The following DAB1 variants were observed in gnomAD, a reference collection of about 807,000 sequenced individuals.
The protein encoded by DAB1 is DAB adaptor protein 1.
Under a neutral mutation model 64.6 loss-of-function variants are expected in DAB1, and 15 were observed. The observed-to-expected ratio is 0.23, with a 90% CI of 0.16 to 0.36. The LOEUF is 0.36. Ranked by LOEUF, DAB1 falls within the 10% of genes least tolerant of loss-of-function variation. The probability of loss-of-function intolerance (pLI) is 1.00; values close to 1 mark genes in which losing one functional copy is unlikely to be tolerated. For synonymous variants in DAB1, 235 were observed against 251.9 expected (o/e 0.93, Z 0.64); for missense variants, 596 against 706.7 (o/e 0.84, Z 1.78).
intron 2 of DAB1, among the ~76,000 whole-genome samples, chr1:57,231,103 G>T (rs1240248183): frequency 6.6e-6 from 1 of 152,124 alleles, no homozygotes; most frequent in East Asian, 1.9e-4. Context: ...ATTTTCAATA[G>T]ATCATCAACC....
intron 1 of DAB1, among the ~76,000 whole-genome samples, chr1:57,376,743 G>A (rs1680928252): frequency 6.6e-6 from 1 of 152,154 alleles, no homozygotes; most frequent in African/African-American, 2.4e-5. Flanking sequence ...TGGATAAAGA[G>A]ACAGAAAACT....
chr1:58,194,424 A>G (rs1227134067), intron 4 of DAB1, among the ~76,000 whole-genome samples: 4 of 152,236 alleles, frequency 2.6e-5, no homozygotes, highest in Non-Finnish European at 5.9e-5. Flanking sequence ...ATTCTCATAA[A>G]AACAAGTTAA....
intron 4 of DAB1, among the ~76,000 whole-genome samples, chr1:58,229,724 G>A (rs1427758590): frequency 6.6e-6 from 1 of 152,182 alleles, no homozygotes; most frequent in Non-Finnish European, 1.5e-5. Context: ...CTAAGCACAG[G>A]CCTGGCCTCC....
At chr1:57,272,095 T>C (rs1219160549) in intron 2 of DAB1, among the ~76,000 whole-genome samples, 1 of 152,140 alleles carries the variant, frequency 6.6e-6, no homozygotes, top group East Asian at 1.9e-4. Flanking sequence ...TGAAGGGAGA[T>C]GTTGGCGTTT....
At chr1:57,710,756 T>TA (rs1250076492) in intron 6 of DAB1, among the ~76,000 whole-genome samples, 1 of 152,174 alleles carries the variant, frequency 6.6e-6, no homozygotes, top group Non-Finnish European at 1.5e-5. Flanking sequence ...TTTTAGTGTG[T>TA]GTGTGTGGAA....
chr1:57,493,097 C>T (rs1644184702), intron 7 of DAB1, among the ~76,000 whole-genome samples: 1 of 150,822 alleles, frequency 6.6e-6, no homozygotes, highest in Non-Finnish European at 1.5e-5. Flanking sequence ...AGATGGTGCT[C>T]ACTGAAGGGC....
intron 5 of DAB1, among the ~76,000 whole-genome samples, chr1:58,050,769 T>C (rs950253411): frequency 8.5e-5 from 13 of 152,234 alleles, no homozygotes; most frequent in African/African-American, 3.1e-4. Context: ...AATCTCGTGA[T>C]CCGCCCGCCT....
chr1:57,403,382 G>A (rs1683396735), intron 1 of DAB1, among the ~76,000 whole-genome samples: 2 of 152,186 alleles, frequency 1.3e-5, no homozygotes, highest in South Asian at 4.1e-4. Context: ...CAAAGCTGTG[G>A]TGTGGAAACA....
At chr1:58,363,816 C>T (rs986331105) in intron 3 of DAB1, among the ~76,000 whole-genome samples, 2 of 152,166 alleles carry the variant, frequency 1.3e-5, no homozygotes, top group Non-Finnish European at 2.9e-5. Context: ...TTCCTCTTGC[C>T]CTTTTATTCT....
chr1:57,604,092 T>A (rs1328060387), intron 7 of DAB1, among the ~76,000 whole-genome samples: 1 of 152,136 alleles, frequency 6.6e-6, no homozygotes, highest in Non-Finnish European at 1.5e-5. Context: ...GTCACCTCAA[T>A]GGGTATGACT....
chr1:57,685,521 G>T (rs1045197586), intron 6 of DAB1, among the ~76,000 whole-genome samples: 1 of 152,082 alleles, frequency 6.6e-6, no homozygotes, highest in Non-Finnish European at 1.5e-5. Flanking sequence ...AACTAGCGAA[G>T]AAATTCTGGA....
intron 2 of DAB1, among the ~76,000 whole-genome samples, chr1:57,235,604 G>T (rs1481826289): frequency 6.6e-6 from 1 of 151,702 alleles, no homozygotes; most frequent in Non-Finnish European, 1.5e-5. Flanking sequence ...ATAACTTAAG[G>T]TTCAAGTAAC....
intron 3 of DAB1, among the ~76,000 whole-genome samples, chr1:58,374,098 G>T: frequency 1.6e-5 from 1 of 62,118 alleles, no homozygotes; most frequent in Non-Finnish European, 3.5e-5. Flanking sequence ...CAGATGAGTA[G>T]GTTGCAAAAA....
intron 6 of DAB1, among the ~76,000 whole-genome samples, chr1:57,750,310 T>A (rs1388831756): frequency 6.6e-6 from 1 of 152,218 alleles, no homozygotes; most frequent in East Asian, 1.9e-4. Flanking sequence ...CCATTCAGTA[T>A]GTGTTCTCTC....
chr1:57,351,357 G>T lies in DAB1; in HGVS notation c.-136-60191C>A, dbSNP rs547861217. On this transcript the variant is annotated intron_variant, in intron 1 of 14. Transcript: ENST00000371236. ...CAAAAAGAACGGAAGTCATTTGGGG[G>T]TATGAAGGAAAGGCATGTCTTCGAC... is the stretch of plus-strand genomic sequence containing the variant. Among the ~76,000 whole-genome samples, 200 of 152,234 alleles carry T rather than the reference G, an allele frequency of 1.3e-3. 2 individuals are homozygous for T. The highest frequency in any genetic ancestry group is 4.4e-3 in the African/African-American group (184 of 41,556).
chr1:57,995,799 G>A (rs1646415650), intron 5 of DAB1, among the ~76,000 whole-genome samples: 1 of 151,612 alleles, frequency 6.6e-6, no homozygotes, highest in African/African-American at 2.4e-5. Flanking sequence ...TCTTTAAATT[G>A]CTATTGAGAG....
At chr1:58,031,907 C>A (rs1008262221) in intron 5 of DAB1, among the ~76,000 whole-genome samples, 1 of 151,634 alleles carries the variant, frequency 6.6e-6, no homozygotes, top group Non-Finnish European at 1.5e-5. Flanking sequence ...CCTTCTATAC[C>A]CTCATTTCCT....
intron 1 of DAB1, among the ~76,000 whole-genome samples, chr1:58,531,916 C>T (rs10218842): frequency 0.12 from 17,664 of 151,966 alleles, 1,224 homozygotes; most frequent in African/African-American, 0.18. Context: ...ACCATGTTGG[C>T]CAGGCTGGTC....
intron 2 of DAB1, among the ~76,000 whole-genome samples, chr1:57,158,527 A>G (rs1230126566): frequency 6.6e-6 from 1 of 152,170 alleles, no homozygotes; most frequent in Non-Finnish European, 1.5e-5. Flanking sequence ...CATTCTGTCC[A>G]TTGCTGAAAG....
Sources: gnomAD v4.1 joint callset for allele counts (sites outside exome capture counted in the v4.1 genomes callset) on GRCh38, gnomAD v4.1.1 for gene constraint, MANE v1.5 for transcripts, NCBI Gene and HGNC (gene_info 2026-07-23, HGNC 2026-07-21) for gene names.